Variants in PARL observed in about 807,000 individuals in gnomAD.
The protein encoded by PARL is presenilin-associated rhomboid-like protein, mitochondrial.
A neutral mutation model predicts 51.6 loss-of-function variants in PARL; 44 were observed. The observed-to-expected ratio is 0.85, with a 90% CI of 0.67 to 1.10. PARL has a LOEUF of 1.10. Ranked by LOEUF, PARL falls within the 50% of genes least tolerant of loss-of-function variation. The probability of loss-of-function intolerance (pLI) is 0.00; values close to 1 mark genes in which losing one functional copy is unlikely to be tolerated. For missense variants in PARL, 441 were observed against 469.5 expected (o/e 0.94, Z 0.56); for synonymous variants, 172 against 164.0 (o/e 1.05, Z -0.37).
chr3:183,839,761 CT>C (rs1428377337), intron 7 of PARL, among the ~76,000 whole-genome samples: 3 of 151,204 alleles, frequency 2.0e-5, no homozygotes, highest in Non-Finnish European at 4.4e-5. Flanking sequence ...GAGATAGGGT[CT>C]TGCTATGTCA....
At chr3:183,882,673 G>A (rs1182121912) in intron 1 of PARL, among the ~76,000 whole-genome samples, 1 of 151,874 alleles carries the variant, frequency 6.6e-6, no homozygotes, top group Non-Finnish European at 1.5e-5. Context: ...AAGATATTTC[G>A]GTCTTTGTGG....
At chr3:183,878,467 G>A (rs780782523) in intron 1 of PARL, among the ~76,000 whole-genome samples, 20 of 152,126 alleles carry the variant, frequency 1.3e-4, no homozygotes, top group Non-Finnish European at 2.9e-4. Context: ...AGGCAGTTAT[G>A]CTTCCTAGTC....
chr3:183,879,950 C>T (rs1734259636), intron 1 of PARL, among the ~76,000 whole-genome samples: 1 of 147,754 alleles, frequency 6.8e-6, no homozygotes, highest in Admixed American at 6.9e-5. Context: ...AGGCTGGTCT[C>T]GAACTCCTGA....
At chr3:183,844,577 C>T (rs1424190739) in intron 4 of PARL, 2 of 447,074 alleles carry the variant, frequency 4.5e-6, no homozygotes, top group Admixed American at 7.1e-5. Flanking sequence ...TCCCTAGATC[C>T]ATATTTTACT....
intron 3 of PARL, among the ~76,000 whole-genome samples, chr3:183,864,903 C>CTTT (rs1209103090): frequency 9.1e-5 from 11 of 121,366 alleles, no homozygotes; most frequent in Non-Finnish European, 1.2e-4. Context: ...CTCCATATTT[C>CTTT]TTTTTTTTTT....
chr3:183,884,672 C>G, intron 1 of PARL, 50 bp downstream of exon 1: 1 of 1,559,896 alleles, frequency 6.4e-7, no homozygotes, highest in Non-Finnish European at 8.7e-7. Context: ...GATACACGGC[C>G]AGAGCTCAGG....
rs576376716 is a variant in PARL at position 183,876,610 on chromosome 3, TAAAAAAAAAAA to T, written c.125+8101_125+8111del. 3.0e-3 allele frequency among the ~76,000 whole-genome samples: 278 copies of T among 91,810 alleles called. 3 individuals carry two copies. Among genetic ancestry groups the T allele is most frequent in the South Asian group, 0.021 (55 of 2,576 alleles). 60.2% of individuals were successfully genotyped at this position (91,810 alleles called of 152,430 possible). On this transcript the variant is annotated intron_variant, in intron 1 of 9. Transcript: ENST00000317096. ...TTATTCCCCTAAGAAATACATTTTG[TAAAAAAAAAAA>T]AAAAAAAAAAAAAAAAAGAAAAAGA... is the stretch of plus-strand genomic sequence containing the variant.
chr3:183,860,986 T>C (rs1731763470), intron 4 of PARL, among the ~76,000 whole-genome samples: 1 of 152,176 alleles, frequency 6.6e-6, no homozygotes, highest in Non-Finnish European at 1.5e-5. Flanking sequence ...AGCTAATTTT[T>C]TGTATTTTTA....
At chr3:183,879,662 A>T (rs1188611700) in intron 1 of PARL, 2 of 704,450 alleles carry the variant, frequency 2.8e-6, no homozygotes, top group Non-Finnish European at 3.5e-6. Flanking sequence ...TAGTATGTTT[A>T]TTACATATTA....
At chr3:183,846,597 G>A (rs1729981322) in intron 4 of PARL, 1 of 985,232 alleles carries the variant, frequency 1.0e-6, no homozygotes, top group African/African-American at 1.7e-5. Flanking sequence ...AAGCTTTTCT[G>A]ATAAATAATG....
intron 1 of PARL, among the ~76,000 whole-genome samples, chr3:183,868,719 T>C (rs1038830078): frequency 6.6e-6 from 1 of 152,206 alleles, no homozygotes; most frequent in African/African-American, 2.4e-5. Context: ...AGTTGTCAGT[T>C]TCAGTCAGAA....
chr3:183,842,265 AC>A (rs1560383672), intron 6 of PARL, 32 bp downstream of exon 6: 1 of 1,604,102 alleles, frequency 6.2e-7, no homozygotes, highest in South Asian at 1.1e-5. Context: ...GAGTGCTTAT[AC>A]TCTCAAAGGC....
At chr3:183,828,840 CA>C (rs1254286982), downstream of PARL, among the ~76,000 whole-genome samples, 1 of 152,216 alleles carries the variant, frequency 6.6e-6, no homozygotes, top group Non-Finnish European at 1.5e-5. Context: ...AACATACTCT[CA>C]AACTGCATTT....
intron 9 of PARL, among the ~76,000 whole-genome samples, chr3:183,833,062 C>A (rs1420574256): frequency 6.6e-6 from 1 of 152,194 alleles, no homozygotes; most frequent in Non-Finnish European, 1.5e-5. Flanking sequence ...TCATACAGAG[C>A]AATGGCTCCG....
chr3:183,844,306 G>A lies in PARL; in HGVS notation c.532C>T (p.Leu178Phe). Residue 178 changes from leucine (L) to phenylalanine (F), a missense_variant, in exon 5 of 10, where the codon CTT becomes TTT. Leu to Phe is a conservative substitution (Grantham distance 22, BLOSUM62 0). Transcript: ENST00000317096. ...TVTGIIAANVLVFCLWRVPSL... is the reference protein window; with the variant it reads ...TVTGIIAANVFVFCLWRVPSL... ...GGTACTCTCCATAAACAGAATACAA[G>A]GACATTTGCAGCTATAATACCTACA... 1.9e-6 allele frequency: 3 copies of A among 1,601,090 alleles called. No homozygotes were observed. The highest frequency in any genetic ancestry group is 2.6e-6 in the Non-Finnish European group (3 of 1,168,300).
chr3:183,863,107 A>G (rs1732029825), intron 3 of PARL, among the ~76,000 whole-genome samples: 1 of 152,224 alleles, frequency 6.6e-6, no homozygotes, highest in Non-Finnish European at 1.5e-5. Flanking sequence ...ATCACAAGGA[A>G]TAACAATAAT....
chr3:183,833,765 C>T lies in PARL; in HGVS notation c.889G>A (p.Ala297Thr), dbSNP rs1185494527. 6.2e-7 allele frequency: 1 copy of T among 1,613,466 alleles called. No individual in the cohort carries two copies. The part of the protein sequence containing the change: ...VCTKIPEGRL[A>T]IIFLPMFTFT... The stretch of plus-strand genomic sequence containing the variant: ...GTGAACATCGGAAGGAAAATAATGG[C>T]AAGCCTCCCTTCTGGGATCTTAGTG... Residue 297 changes from alanine to threonine, a missense_variant, in exon 8 of 10, where the codon GCC becomes ACC. Ala to Thr is a moderately conservative substitution (Grantham distance 58, BLOSUM62 0). Coordinates refer to ENST00000317096, the MANE Select transcript of PARL (RefSeq NM_018622.7).
intron 1 of PARL, among the ~76,000 whole-genome samples, chr3:183,869,598 A>T (rs1732940538): frequency 6.6e-6 from 1 of 151,760 alleles, no homozygotes. Context: ...ATGTTCAAAG[A>T]TATTATATAT....
At chr3:183,858,805 T>C (rs992666278) in intron 4 of PARL, among the ~76,000 whole-genome samples, 19 of 152,080 alleles carry the variant, frequency 1.2e-4, no homozygotes, top group Non-Finnish European at 1.5e-5. Flanking sequence ...AATGCCACGT[T>C]ATACTCCCCG....
Sources: gnomAD v4.1 joint callset for allele counts (sites outside exome capture counted in the v4.1 genomes callset) on GRCh38, gnomAD v4.1.1 for gene constraint, MANE v1.5 for transcripts, NCBI Gene and HGNC (gene_info 2026-07-23, HGNC 2026-07-21) for gene names.